The following ITPR3 variants were observed in gnomAD, a reference collection of about 807,000 sequenced individuals.
The protein encoded by ITPR3 is inositol 1,4,5-trisphosphate-gated calcium channel ITPR3.
ITPR3 carries 173 observed loss-of-function variants against 293.2 expected under a neutral mutation model. That is an observed-to-expected ratio of 0.59 (90% CI 0.52 to 0.67). The LOEUF is 0.67. ITPR3 is among the 30% of genes least tolerant of loss of function. The pLI is 0.00. For synonymous variants in ITPR3, 1,295 were observed against 1,444.4 expected (o/e 0.90, Z 2.35); for missense variants, 2,796 against 3,592.1 (o/e 0.78, Z 5.66).
chr6:33,688,195 G>A lies in ITPR3; in HGVS notation c.6375+28G>A, dbSNP rs373058396. 44 of 1,613,790 alleles carry A rather than the reference G, an allele frequency of 2.7e-5. No individual in the cohort carries two copies. The South Asian group carries it at 3.0e-4, about 11-fold the overall frequency. On this transcript the variant is annotated intron_variant, in intron 47 of 57. Coordinates refer to ENST00000605930, the MANE Select transcript of ITPR3 (RefSeq NM_002224.4). ...GGGCCTGTGGGCAGCAGGGGCGGGC[G>A]TGGGAGCCTGCGCCGGGCGTGACCA...
At position 33,687,934 on chromosome 6, in the gene ITPR3, G is replaced by A; in HGVS notation, c.6265-123G>A. On this transcript the variant is annotated intron_variant, in intron 46 of 57. Coordinates refer to ENST00000605930, the MANE Select transcript of ITPR3 (RefSeq NM_002224.4). The surrounding 1 kb of genome is among the most constrained non-coding windows in gnomAD (Gnocchi z 5.3). The stretch of plus-strand genomic sequence containing the variant: ...GTTGGGCTGGGCTTGGCCTGCTCTG[G>A]CTTGGCGGGGACACTCGCTGAAGTG... The A allele has an allele frequency of 1.3e-6, 1 of 769,438 alleles. No individual in the cohort carries two copies. Among genetic ancestry groups the A allele is most frequent in the Non-Finnish European group, 2.1e-6 (1 of 475,840 alleles). The allele number at this position is 769,438 out of a possible 1,614,324, so 47.7% of individuals were successfully genotyped here.
Position 33,695,317 on chromosome 6 carries a change from G to A in ITPR3, c.7947+232G>A, listed in dbSNP as rs1035446925. On this transcript the variant is annotated intron_variant, in intron 57 of 57. Transcript: ENST00000605930. ...CAAGTGGAAACTTTAGTACAGGGTG[G>A]TGGGGCCCTCTGTCTCTCATCCCCT... The A allele has an allele frequency of 2.4e-5, 14 of 581,326 alleles. No individual in the cohort carries two copies. In the African/African-American group the frequency reaches 2.4e-4, roughly 10 times the overall value. 36.0% of individuals were successfully genotyped at this position (581,326 alleles called of 1,614,324 possible).
intron 1 of ITPR3, among the ~76,000 whole-genome samples, chr6:33,629,718 G>T (rs991294072): frequency 1.3e-5 from 2 of 151,874 alleles, no homozygotes; most frequent in African/African-American, 2.4e-5. Context: ...AACCTCAGGT[G>T]ATCTGCCCGC....
chr6:33,695,530 G>A, intron 57 of ITPR3, 182 bp from the exon 58 acceptor site: 1 of 632,518 alleles, frequency 1.6e-6, no homozygotes, highest in Admixed American at 2.7e-5. Context: ...CGCTAATTGA[G>A]AACAAGGGTT....
intron 42 of ITPR3, 65 bp from the exon 43 acceptor site, chr6:33,686,344 G>A: frequency 6.3e-7 from 1 of 1,589,110 alleles, no homozygotes; most frequent in East Asian, 2.2e-5. Flanking sequence ...GAGAGGCTGA[G>A]GTCTCTGGAG....
chr6:33,678,913 CAG>C, intron 30 of ITPR3, 74 bp downstream of exon 30: 2 of 1,458,678 alleles, frequency 1.4e-6, no homozygotes, highest in Non-Finnish European at 1.9e-6. Flanking sequence ...GGGAAGGCCA[CAG>C]AGTTAGAGAA....
At chr6:33,659,383 G>C in intron 6 of ITPR3, 83 bp from the exon 7 acceptor site, 1 of 1,269,798 alleles carries the variant, frequency 7.9e-7, no homozygotes, top group African/African-American at 1.5e-5. Flanking sequence ...TGGTGGCTGG[G>C]CTGCTTCTTC....
Position 33,633,369 on chromosome 6 carries a change from T to C in ITPR3, c.90-7115T>C, listed in dbSNP as rs1279316734. On this transcript the variant is annotated intron_variant, in intron 1 of 57. Coordinates refer to ENST00000605930, the MANE Select transcript of ITPR3 (RefSeq NM_002224.4). The surrounding 1 kb of genome is among the most constrained non-coding windows in gnomAD (Gnocchi z 5.2). ...GAAGCGAAGCGGCCACTTACCCCTG[T>C]AGAGCGCGGCTCTGGTTTCAGCGCC... Among the ~76,000 whole-genome samples the C allele has an allele frequency of 6.6e-6, 1 of 152,202 alleles. No homozygotes were observed. The highest frequency in any genetic ancestry group is 1.5e-5 in the Non-Finnish European group (1 of 68,036).
At position 33,691,823 on chromosome 6, in the gene ITPR3, A is replaced by G. The variant is rs1343234069; in HGVS notation, c.7353A>G (p.Thr2451=). Residue 2451 remains threonine (T), a synonymous_variant, in exon 54 of 58, where the codon ACA becomes ACG. Coordinates refer to ENST00000605930, the MANE Select transcript of ITPR3 (RefSeq NM_002224.4). The surrounding 1 kb of genome is among the most constrained non-coding windows in gnomAD (Gnocchi z 4.9). The part of the protein sequence containing the change: ...VLEEDRELDS[T]ERACDTLLMC... ...CAGAGGACAGGGAGCTGGACAGCAC[A>G]GAGCGGGCCTGTGACACTCTGTTGA... The G allele has an allele frequency of 1.2e-6, 2 of 1,614,130 alleles. No homozygotes were observed. The highest frequency in any genetic ancestry group is 2.2e-5 in the South Asian group (2 of 91,076).
chr6:33,645,751 T>A (rs554412231), intron 2 of ITPR3, among the ~76,000 whole-genome samples: 1 of 152,362 alleles, frequency 6.6e-6, no homozygotes, highest in African/African-American at 2.4e-5. Flanking sequence ...GGCATCTTAC[T>A]GTGGTTTTAA....
In ITPR3 at chr6:33,621,529, T is replaced by G; in HGVS notation, c.-74T>G. The G allele has an allele frequency of 2.7e-6, 3 of 1,113,656 alleles. No homozygotes were observed. Among genetic ancestry groups the G allele is most frequent in the Non-Finnish European group, 4.0e-6 (3 of 750,976 alleles). 69.0% of individuals were successfully genotyped at this position (1,113,656 alleles called of 1,614,324 possible). ...TACCCCTCCCCGCTCCCCGGACGCC[T>G]CAGTCCTCCGCACTGAGCTTGGCCA... is the stretch of plus-strand genomic sequence containing the variant. On this transcript the variant is annotated 5_prime_UTR_variant, in exon 1 of 58. Transcript: ENST00000605930. The surrounding 1 kb of genome is among the most constrained non-coding windows in gnomAD (Gnocchi z 7.7).
intron 2 of ITPR3, among the ~76,000 whole-genome samples, chr6:33,642,889 G>A (rs529995215): frequency 6.6e-6 from 1 of 152,182 alleles, no homozygotes; most frequent in Non-Finnish European, 1.5e-5. Context: ...GTGGGTAGAG[G>A]CCCCTCTGGA....
In ITPR3 at chr6:33,687,702, G is replaced by C; in HGVS notation, c.6264+138G>C. The C allele has an allele frequency of 1.4e-6, 1 of 718,710 alleles. No homozygotes were observed. The highest frequency in any genetic ancestry group is 2.3e-6 in the Non-Finnish European group (1 of 427,886). 44.5% of individuals were successfully genotyped at this position (718,710 alleles called of 1,614,324 possible). A position where few individuals can be genotyped will look rare whatever the true frequency, so the allele number is the denominator to read the frequency against. On this transcript the variant is annotated intron_variant, in intron 46 of 57. Transcript: ENST00000605930. This position sits in a 1 kb window ranked among gnomAD's most constrained non-coding sequence, Gnocchi z 5.3. ...AGAATTTGGGGGTACAGCTCAGGGG[G>C]CTGATTGGGACTGGCAGCCGTGGGT... is the stretch of plus-strand genomic sequence containing the variant.
chr6:33,667,305 T>G lies in ITPR3; in HGVS notation c.1713+15T>G. The G allele has an allele frequency of 2.5e-6, 4 of 1,608,750 alleles. No homozygotes were observed. Among genetic ancestry groups the G allele is most frequent in the Non-Finnish European group, 3.4e-6 (4 of 1,177,720 alleles). ...GCAAGAACCAGGTGCGCCGCTGCCC[T>G]GCTGGCCCACTCGCTGGCTGCACGT... On this transcript the variant is annotated intron_variant, in intron 15 of 57. Transcript: ENST00000605930. The surrounding 1 kb of genome is among the most constrained non-coding windows in gnomAD (Gnocchi z 4.4).
Position 33,687,525 on chromosome 6 carries a change from G to A in ITPR3, c.6225G>A (p.Lys2075=), listed in dbSNP as rs757033444. 6.8e-6 allele frequency: 11 copies of A among 1,607,474 alleles called. No individual in the cohort carries two copies. In the Admixed American group the frequency reaches 1.2e-4, roughly 17 times the overall value. The part of the protein sequence containing the change: ...KQLQHLLKPV[K]RIQEEEAEGI... ...TGCAGCACCTGCTGAAGCCGGTGAA[G>A]CGCATTCAAGAGGAGGAGGCCGAGG... Residue 2075 remains lysine (K), a synonymous_variant, in exon 46 of 58, where the codon AAG becomes AAA. Coordinates refer to ENST00000605930, the MANE Select transcript of ITPR3 (RefSeq NM_002224.4). The surrounding 1 kb of genome is among the most constrained non-coding windows in gnomAD (Gnocchi z 5.3).
chr6:33,637,124 A>C (rs1354940546), intron 1 of ITPR3, among the ~76,000 whole-genome samples: 2 of 152,200 alleles, frequency 1.3e-5, no homozygotes, highest in African/African-American at 4.8e-5. Context: ...CACCACCTGG[A>C]TGTCCTGCAG....
rs140399440 is a variant in ITPR3, at chr6:33,668,602, C to T, written c.1974C>T (p.Asp658=). The change falls in exon 17 of 58, where the codon GAC becomes GAT. Residue 658 remains aspartate (D), a synonymous_variant. Coordinates refer to ENST00000605930, the MANE Select transcript of ITPR3 (RefSeq NM_002224.4). ...TQELICKCVL[D]PKNSDILIRT... Reference sequence around the variant, plus strand: ...AGCTCATCTGCAAGTGTGTGCTGGACCCCAAGAACAGTGACATTCTCATCC... The same window carrying T: ...AGCTCATCTGCAAGTGTGTGCTGGATCCCAAGAACAGTGACATTCTCATCC... 5.4e-4 allele frequency: 872 copies of T among 1,614,218 alleles called. No individual in the cohort carries two copies. Among genetic ancestry groups the T allele is most frequent in the Non-Finnish European group, 7.0e-4 (829 of 1,180,034 alleles).
Position 33,688,179 on chromosome 6 carries a change from G to A in ITPR3, c.6375+12G>A, listed in dbSNP as rs373829085. ...CGTCCCAGATCGAGGTGGGCCTGTG[G>A]GCAGCAGGGGCGGGCGTGGGAGCCT... On this transcript the variant is annotated intron_variant, in intron 47 of 57. Coordinates refer to ENST00000605930, the MANE Select transcript of ITPR3 (RefSeq NM_002224.4). 2.2e-5 allele frequency: 35 copies of A among 1,614,020 alleles called. No homozygotes were observed. In the African/African-American group the frequency reaches 3.7e-4, roughly 17 times the overall value.
rs1220708537 is a variant in ITPR3, at chr6:33,633,391, C to T, written c.90-7093C>T. Among the ~76,000 whole-genome samples, 2 of 152,206 alleles carry T rather than the reference C, an allele frequency of 1.3e-5. No homozygotes were observed. Among genetic ancestry groups the T allele is most frequent in the Non-Finnish European group, 2.9e-5 (2 of 68,024 alleles). ...CTGTAGAGCGCGGCTCTGGTTTCAG[C>T]GCCCGGTGCGCACTCAGCAGGGCAC... On this transcript the variant is annotated intron_variant, in intron 1 of 57. Transcript: ENST00000605930. This position sits in a 1 kb window ranked among gnomAD's most constrained non-coding sequence, Gnocchi z 5.2.
Sources: gnomAD v4.1 joint callset for allele counts (sites outside exome capture counted in the v4.1 genomes callset) on GRCh38, gnomAD v4.1.1 for gene constraint, Gnocchi (gnomAD v3.1) non-coding constraint, MANE v1.5 for transcripts, NCBI Gene and HGNC (gene_info 2026-07-23, HGNC 2026-07-21) for gene names.